LRBA: variants seen among roughly 807,000 people sequenced by gnomAD.
The protein encoded by LRBA is lipopolysaccharide-responsive and beige-like anchor protein.
A neutral mutation model predicts 330.0 loss-of-function variants in LRBA; 176 were observed. That is an observed-to-expected ratio of 0.53 (90% CI 0.47 to 0.60). The LOEUF (loss-of-function observed/expected upper bound fraction) is 0.60, where lower values mean the gene tolerates loss of function less well. LRBA is among the 20% of genes least tolerant of loss of function. LRBA has a pLI of 0.00. For missense variants in LRBA, 3,259 were observed against 3,444.8 expected (o/e 0.95, Z 1.35); for synonymous variants, 1,230 against 1,193.0 (o/e 1.03, Z -0.64).
At chr4:150,270,965 T>G (rs978037042) in intron 56 of LRBA, among the ~76,000 whole-genome samples, 1 of 152,218 alleles carries the variant, frequency 6.6e-6, no homozygotes, top group East Asian at 1.9e-4. Flanking sequence ...CCAGTGAGAT[T>G]GACGCTGGGT....
chr4:150,751,434 T>C (rs1040052111), intron 35 of LRBA, among the ~76,000 whole-genome samples: 4 of 152,070 alleles, frequency 2.6e-5, no homozygotes, highest in Non-Finnish European at 4.4e-5. Context: ...GATATCTAAA[T>C]GATTTTTTTT....
chr4:150,349,894 T>C, intron 48 of LRBA, 98 bp downstream of exon 48: 2 of 1,047,608 alleles, frequency 1.9e-6, no homozygotes, highest in South Asian at 3.0e-5. Flanking sequence ...TTTCACTTTC[T>C]TCATCACTAA....
intron 36 of LRBA, among the ~76,000 whole-genome samples, chr4:150,694,115 G>C (rs1262390979): frequency 1.3e-5 from 2 of 151,950 alleles, no homozygotes; most frequent in African/African-American, 4.8e-5. Context: ...CTCCCTGTTT[G>C]GTCAGCTGCT....
Position 150,849,548 on chromosome 4 carries a change from G to C in LRBA, c.4032C>G (p.Phe1344Leu). 1 of 1,612,936 alleles carries C rather than the reference G, an allele frequency of 6.2e-7. No homozygotes were observed. Among genetic ancestry groups the C allele is most frequent in the Non-Finnish European group, 8.5e-7 (1 of 1,179,010 alleles). ...AGATGACATTATCACTGCTATTCACGAAGTCCATAACTGTCTTTGTTGAAT... is the reference window on the plus strand; with the variant it reads ...AGATGACATTATCACTGCTATTCACCAAGTCCATAACTGTCTTTGTTGAAT... ...RSHSTKTVMD[F>L]VNSSDNVIFV... Residue 1344 changes from phenylalanine (F) to leucine (L), a missense_variant, in exon 25 of 57, where the codon TTC becomes TTG. Physicochemically the swap from Phe to Leu is conservative, Grantham distance 22 (BLOSUM62 0). Transcript: ENST00000651943.
At chr4:150,306,113 C>T (rs1268558881) in intron 52 of LRBA, among the ~76,000 whole-genome samples, 1 of 152,128 alleles carries the variant, frequency 6.6e-6, no homozygotes, top group African/African-American at 2.4e-5. Flanking sequence ...GACTCTGCAC[C>T]ACTGAATCTA....
intron 2 of LRBA, among the ~76,000 whole-genome samples, chr4:150,986,632 T>C (rs2915449): frequency 0.96 from 146,161 of 152,304 alleles, 70,407 homozygotes; most frequent in Non-Finnish European, 1. Flanking sequence ...AATACACAAA[T>C]CAAAGCCATC....
At chr4:150,411,595 AC>A (rs1161991730) in intron 47 of LRBA, among the ~76,000 whole-genome samples, 2 of 152,150 alleles carry the variant, frequency 1.3e-5, no homozygotes, top group Admixed American at 1.3e-4. Context: ...TCCCTGTTCA[AC>A]CTGAGGACCA....
chr4:150,430,058 T>C (rs923618285), intron 46 of LRBA, among the ~76,000 whole-genome samples: 2 of 152,176 alleles, frequency 1.3e-5, no homozygotes, highest in African/African-American at 4.8e-5. Flanking sequence ...CTTTCTTCTG[T>C]GCTATATATA....
At chr4:150,780,759 CT>C (rs1738101655) in intron 34 of LRBA, among the ~76,000 whole-genome samples, 1 of 147,942 alleles carries the variant, frequency 6.8e-6, no homozygotes, top group African/African-American at 2.5e-5. Flanking sequence ...AGTCCCCAAC[CT>C]TTTTGGCACC....
At position 150,321,052 on chromosome 4, in the gene LRBA, C is replaced by G; in HGVS notation, c.7630+139G>C. 1 of 779,216 alleles carries G rather than the reference C, an allele frequency of 1.3e-6. No individual in the cohort carries two copies. The highest frequency in any genetic ancestry group is 2.5e-4 in the Middle Eastern group (1 of 4,024). 48.3% of individuals were successfully genotyped at this position (779,216 alleles called of 1,614,324 possible). A position where few individuals can be genotyped will look rare whatever the true frequency, so the allele number is the denominator to read the frequency against. On this transcript the variant is annotated intron_variant, in intron 50 of 56. Transcript: ENST00000651943. This position sits in a 1 kb window ranked among gnomAD's most constrained non-coding sequence, Gnocchi z 4.5. ...ATGCCTCACGTGGGCCTTTTTTAAG[C>G]CTTTCAAACTATTAAACAATTTGAT...
intron 31 of LRBA, among the ~76,000 whole-genome samples, chr4:150,813,401 G>C (rs892826611): frequency 6.6e-6 from 1 of 151,834 alleles, no homozygotes; most frequent in Non-Finnish European, 1.5e-5. Flanking sequence ...TAGTCCTTTT[G>C]GTTGATAAAA....
At chr4:150,423,234 C>A (rs1288952901) in intron 46 of LRBA, 9 of 1,288,932 alleles carry the variant, frequency 7.0e-6, no homozygotes, top group Non-Finnish European at 9.9e-6. Context: ...CGCTGCCAAG[C>A]AAACAAGAGC....
chr4:150,840,934 A>T, intron 28 of LRBA: 1 of 1,130,910 alleles, frequency 8.8e-7, no homozygotes, highest in Non-Finnish European at 1.1e-6. Context: ...AGTTTCAGAA[A>T]AATAGAAGAT....
intron 37 of LRBA, chr4:150,679,572 A>T (rs1782871931): frequency 6.6e-6 from 1 of 152,226 alleles, no homozygotes; most frequent in Non-Finnish European, 1.5e-5. Flanking sequence ...TGGAGAGAGC[A>T]TCACAAAGAT....
chr4:150,842,323 G>T (rs1749212079), intron 28 of LRBA, among the ~76,000 whole-genome samples: 1 of 152,088 alleles, frequency 6.6e-6, no homozygotes, highest in African/African-American at 2.4e-5. Context: ...ACAGGGTCTT[G>T]CTGTGTCACA....
At chr4:150,277,186 A>G (rs1190294407) in intron 56 of LRBA, among the ~76,000 whole-genome samples, 6 of 151,600 alleles carry the variant, frequency 4.0e-5, no homozygotes, top group Admixed American at 3.3e-4. Flanking sequence ...AGAAAAGCAA[A>G]TACCTCATCT....
At chr4:150,510,500 T>G (rs974019295) in intron 40 of LRBA, among the ~76,000 whole-genome samples, 1 of 152,202 alleles carries the variant, frequency 6.6e-6, no homozygotes, top group East Asian at 1.9e-4. Context: ...AATAAATATA[T>G]TAAATGTCTT....
intron 56 of LRBA, among the ~76,000 whole-genome samples, chr4:150,275,113 G>C (rs1057302266): frequency 9.2e-5 from 14 of 152,288 alleles, no homozygotes; most frequent in African/African-American, 3.1e-4. Context: ...TAGGATGCAA[G>C]GCTGGTTCAA....
intron 48 of LRBA, among the ~76,000 whole-genome samples, chr4:150,345,653 G>T (rs928244415): frequency 6.6e-6 from 1 of 152,156 alleles, no homozygotes; most frequent in Non-Finnish European, 1.5e-5. Flanking sequence ...AACAGAGTCT[G>T]AGGAACACAA....
Sources: gnomAD v4.1 joint callset for allele counts (sites outside exome capture counted in the v4.1 genomes callset) on GRCh38, gnomAD v4.1.1 for gene constraint, Gnocchi (gnomAD v3.1) non-coding constraint, MANE v1.5 for transcripts, NCBI Gene and HGNC (gene_info 2026-07-23, HGNC 2026-07-21) for gene names.